Variants in CD109 observed in about 807,000 individuals in gnomAD.
The protein encoded by CD109 is CD109 antigen.
Under a neutral mutation model 165.8 loss-of-function variants are expected in CD109, and 149 were observed. That is an observed-to-expected ratio of 0.90 (90% confidence interval 0.79 to 1.03). The LOEUF is 1.03. Among genes scored for constraint, CD109 ranks in the 50% least tolerant of loss-of-function variants. CD109 has a pLI of 0.00. For missense variants in CD109, 1,712 were observed against 1,677.8 expected (o/e 1.02, Z -0.36); for synonymous variants, 585 against 592.1 (o/e 0.99, Z 0.18).
chr6:73,719,146 A>G (rs1403246185), intron 2 of CD109, among the ~76,000 whole-genome samples: 1 of 152,130 alleles, frequency 6.6e-6, no homozygotes, highest in Non-Finnish European at 1.5e-5. Context: ...TATGGGGTGT[A>G]TTTTACACTT....
chr6:73,768,344 T>C lies in CD109; in HGVS notation c.1674+113T>C, dbSNP rs1411325627. On this transcript the variant is annotated intron_variant, in intron 14 of 32. Transcript: ENST00000287097. ...AGCCAAACTGGTTAGAAATTTATAT[T>C]ATTCTATTTCTAGAACTATGGTTAA... The C allele has an allele frequency of 1.2e-5, 8 of 650,882 alleles. No individual in the cohort carries two copies. In the East Asian group the frequency reaches 2.3e-4, roughly 18 times the overall value. The allele number at this position is 650,882 out of a possible 1,614,324, so 40.3% of individuals were successfully genotyped here.
At chr6:73,747,606 G>C (rs990010926) in intron 5 of CD109, among the ~76,000 whole-genome samples, 3 of 152,092 alleles carry the variant, frequency 2.0e-5, no homozygotes, top group African/African-American at 7.2e-5. Flanking sequence ...CTGAGTTCTA[G>C]ACCTTTAAAA....
In CD109 at chr6:73,823,791, GCTGCATAGATTTCTTCAC is replaced by G. The variant is rs1776185840; in HGVS notation, c.*162_*179del. The G allele has an allele frequency of 7.7e-6, 4 of 520,734 alleles. No homozygotes were observed. The East Asian group carries it at 1.1e-4, about 15-fold the overall frequency. 32.3% of individuals were successfully genotyped at this position (520,734 alleles called of 1,614,324 possible). A position where few individuals can be genotyped will look rare whatever the true frequency, so the allele number is the denominator to read the frequency against. On this transcript the variant is annotated 3_prime_UTR_variant, in exon 33 of 33. Transcript: ENST00000287097. ...TGTACAACAGGTCCTAGCATGTATAGCTGCATAGATTTCTTCACCTGATCTTTGTGTGGAAGATCAGAA... is the reference window on the plus strand; with the variant it reads ...TGTACAACAGGTCCTAGCATGTATAGCTGATCTTTGTGTGGAAGATCAGAA...
rs186333247 is a variant in CD109, at chr6:73,758,529, G to T, written c.674-415G>T. The stretch of plus-strand genomic sequence containing the variant: ...GCCTCCTGAGTAGCTGGGATTACAG[G>T]CATGCACCACCATGCCCAACAATTT... On this transcript the variant is annotated intron_variant, in intron 6 of 32. Transcript: ENST00000287097. 4.6e-5 allele frequency among the ~76,000 whole-genome samples: 7 copies of T among 152,130 alleles called. No individual in the cohort carries two copies. The East Asian group carries it at 1.2e-3, about 25-fold the overall frequency.
Position 73,711,534 on chromosome 6 carries a change from G to T in CD109, c.248-11717G>T, listed in dbSNP as rs1771537809. Among the ~76,000 whole-genome samples, 4 of 23,490 alleles carry T rather than the reference G, an allele frequency of 1.7e-4. No homozygotes were observed. In the South Asian group the frequency reaches 4.1e-3, roughly 24 times the overall value. 15.4% of individuals were successfully genotyped at this position (23,490 alleles called of 152,430 possible). On this transcript the variant is annotated intron_variant, in intron 2 of 32. Transcript: ENST00000287097. ...TTGTATTTTTAAAATCGTACTTTAA[G>T]TTTTTTTTTTTTTTTTTGAGACGGA...
At chr6:73,785,710 C>T (rs1322610479) in intron 20 of CD109, among the ~76,000 whole-genome samples, 1 of 152,144 alleles carries the variant, frequency 6.6e-6, no homozygotes, top group Non-Finnish European at 1.5e-5. Flanking sequence ...AGGTTTTCCT[C>T]TTTTGCCATG....
At chr6:73,687,551 T>C in the CD109 span, among the ~76,000 whole-genome samples, 3 of 151,638 alleles carry the variant, frequency 2.0e-5, no homozygotes, top group African/African-American at 7.3e-5. Flanking sequence ...ATTGTCTTGA[T>C]GAACAGAACA....
intron 2 of CD109, among the ~76,000 whole-genome samples, chr6:73,705,928 G>C (rs1771249931): frequency 6.6e-6 from 1 of 152,126 alleles, no homozygotes; most frequent in Non-Finnish European, 1.5e-5. Context: ...AAAGGAGAGA[G>C]GTGGACGGTC....
chr6:73,706,186 G>A (rs534311501), intron 2 of CD109, among the ~76,000 whole-genome samples: 17 of 152,256 alleles, frequency 1.1e-4, no homozygotes, highest in African/African-American at 3.1e-4. Context: ...CTTATTTACC[G>A]ACTTGTAAAT....
At chr6:73,774,076 TC>T (rs1423911461) in intron 15 of CD109, among the ~76,000 whole-genome samples, 1 of 152,232 alleles carries the variant, frequency 6.6e-6, no homozygotes, top group Non-Finnish European at 1.5e-5. Flanking sequence ...CTATTATTTT[TC>T]CTTTGTTTCT....
intron 2 of CD109, among the ~76,000 whole-genome samples, chr6:73,722,295 A>G (rs533969269): frequency 1.3e-5 from 2 of 152,340 alleles, no homozygotes; most frequent in East Asian, 3.9e-4. Flanking sequence ...ACAGGTATCA[A>G]CATACGTATT....
chr6:73,706,748 C>G (rs909647215), intron 2 of CD109, among the ~76,000 whole-genome samples: 1 of 152,024 alleles, frequency 6.6e-6, no homozygotes, highest in African/African-American at 2.4e-5. Flanking sequence ...AAATTAAAAT[C>G]CGAAAACCAG....
rs578097754 is a variant in CD109, at chr6:73,783,902, TA to T, written c.2223+81del. On this transcript the variant is annotated intron_variant, in intron 19 of 32. Coordinates refer to ENST00000287097, the MANE Select transcript of CD109 (RefSeq NM_133493.5). ...AGCGTCAGCTCCTCAATTTTTTTTT[TA>T]AATGACTGCTTATAATGTTTATCAC... 6.2e-5 allele frequency: 42 copies of T among 675,090 alleles called. 1 individual carries two copies. Among genetic ancestry groups the T allele is most frequent in the Non-Finnish European group, 9.3e-5 (37 of 396,968 alleles). 41.8% of individuals were successfully genotyped at this position (675,090 alleles called of 1,614,324 possible).
intron 1 of CD109, among the ~76,000 whole-genome samples, chr6:73,696,850 C>G (rs1770859283): frequency 6.6e-6 from 1 of 152,266 alleles, no homozygotes; most frequent in South Asian, 2.1e-4. Flanking sequence ...TTATGATTCG[C>G]TATACCTGGA....
At chr6:73,806,163 C>G (rs1034208380) in intron 24 of CD109, among the ~76,000 whole-genome samples, 6 of 152,106 alleles carry the variant, frequency 3.9e-5, no homozygotes, top group African/African-American at 1.4e-4. Flanking sequence ...ACATATACAC[C>G]ATGGAATACT....
At position 73,701,817 on chromosome 6, in the gene CD109, C is replaced by T. The variant is rs1398022564; in HGVS notation, c.247+4245C>T. ...ATGCTAGAGGCTGAGTGCAGTGGCT[C>T]ACAACCGTAATCCCAGAGCTTGGGA... is the stretch of plus-strand genomic sequence containing the variant. On this transcript the variant is annotated intron_variant, in intron 2 of 32. Coordinates refer to ENST00000287097, the MANE Select transcript of CD109 (RefSeq NM_133493.5). 2.6e-5 allele frequency among the ~76,000 whole-genome samples: 4 copies of T among 152,106 alleles called. No homozygotes were observed. The East Asian group carries it at 7.7e-4, about 29-fold the overall frequency.
In CD109 at chr6:73,824,780, A is replaced by G. The variant is rs1776221986; in HGVS notation, c.*1147A>G. 6.6e-6 allele frequency: 1 copy of G among 152,198 alleles called. No homozygotes were observed. Among genetic ancestry groups the G allele is most frequent in the South Asian group, 2.1e-4 (1 of 4,828 alleles). The allele number at this position is 152,198 out of a possible 1,614,324, so 9.4% of individuals were successfully genotyped here. A position where few individuals can be genotyped will look rare whatever the true frequency, so the allele number is the denominator to read the frequency against. On this transcript the variant is annotated 3_prime_UTR_variant, in exon 33 of 33. Transcript: ENST00000287097. The stretch of plus-strand genomic sequence containing the variant: ...AGGGTAATATAATTTATCTGGATGG[A>G]AATTTTAAAGATGAATCCCCCTTTT...
intron 6 of CD109, among the ~76,000 whole-genome samples, chr6:73,757,087 C>A (rs1003637547): frequency 3.9e-5 from 6 of 152,152 alleles, no homozygotes; most frequent in South Asian, 2.1e-4. Flanking sequence ...GCCATACTTA[C>A]AATATCTGTT....
chr6:73,810,992 G>C lies in CD109; in HGVS notation c.3547G>C (p.Asp1183His). ...NSLGGFASTQ[D>H]TTVALKALSE... is the part of the protein sequence containing the mutation. ...ACAAATGTTTTTCTTCCCTCAACAG[G>C]ATACCACTGTGGCTTTAAAGGCTCT... The change falls in exon 28 of 33, where the codon GAT (aspartate) becomes CAT (histidine). Residue 1183 changes from aspartate (D) to histidine (H), a missense_variant and splice_region_variant. Physicochemically the swap from Asp to His is moderately conservative, Grantham distance 81. Coordinates refer to ENST00000287097, the MANE Select transcript of CD109 (RefSeq NM_133493.5). The C allele has an allele frequency of 6.2e-7, 1 of 1,612,288 alleles. No individual in the cohort carries two copies.
Sources: gnomAD v4.1 joint callset for allele counts (sites outside exome capture counted in the v4.1 genomes callset) on GRCh38, gnomAD v4.1.1 for gene constraint, MANE v1.5 for transcripts, NCBI Gene and HGNC (gene_info 2026-07-23, HGNC 2026-07-21) for gene names.